The following DGKI variants were observed in gnomAD, a reference collection of about 807,000 sequenced individuals.
The protein encoded by DGKI is diacylglycerol kinase iota.
Under a neutral mutation model 147.5 loss-of-function variants are expected in DGKI, and 55 were observed. The observed-to-expected ratio is 0.37, with a 90% confidence interval of 0.30 to 0.47. DGKI has a LOEUF of 0.47. Ranked by LOEUF, DGKI falls within the 20% of genes least tolerant of loss-of-function variation. The pLI is 1.00. For missense variants in DGKI, 1,007 were observed against 1,323.8 expected, an observed-to-expected ratio of 0.76 and a Z score of 3.71; for synonymous variants, 469 against 477.1, an observed-to-expected ratio of 0.98 and a Z score of 0.22.
chr7:137,677,857 T>C (rs1215585087), intron 3 of DGKI, among the ~76,000 whole-genome samples: 1 of 152,230 alleles, frequency 6.6e-6, no homozygotes, highest in African/African-American at 2.4e-5. Context: ...CATTTAAAAC[T>C]ACACACAAAC....
chr7:137,450,767 T>C (rs1813921557), intron 27 of DGKI, among the ~76,000 whole-genome samples: 1 of 151,150 alleles, frequency 6.6e-6, no homozygotes, highest in African/African-American at 2.4e-5. Context: ...ATATTTTTAA[T>C]TATATACATA....
chr7:137,591,533 G>C (rs935307261), intron 12 of DGKI, among the ~76,000 whole-genome samples: 1 of 152,124 alleles, frequency 6.6e-6, no homozygotes, highest in Non-Finnish European at 1.5e-5. Flanking sequence ...AGCATTCCCG[G>C]AAGACAGCAC....
chr7:137,778,763 C>T (rs1796437866), intron 1 of DGKI, among the ~76,000 whole-genome samples: 1 of 152,126 alleles, frequency 6.6e-6, no homozygotes, highest in African/African-American at 2.4e-5. Flanking sequence ...TGCAGAAAGC[C>T]TCAGTTTCCT....
intron 19 of DGKI, among the ~76,000 whole-genome samples, chr7:137,570,864 C>T (rs1585242193): frequency 6.6e-6 from 1 of 152,168 alleles, no homozygotes; most frequent in South Asian, 2.1e-4. Flanking sequence ...GCTGGGATTA[C>T]AGGCATGAGC....
chr7:137,553,800 G>A (rs1057500740), intron 19 of DGKI, among the ~76,000 whole-genome samples: 9 of 152,138 alleles, frequency 5.9e-5, no homozygotes, highest in Non-Finnish European at 1.3e-4. Flanking sequence ...AGAAAGCAGA[G>A]GAGAATGATG....
chr7:137,598,645 A>G (rs1315326138), intron 11 of DGKI, among the ~76,000 whole-genome samples: 1 of 152,196 alleles, frequency 6.6e-6, no homozygotes, highest in Non-Finnish European at 1.5e-5. Context: ...AAGTTGCTAG[A>G]GGCTGTAATC....
At chr7:137,521,790 A>AC in intron 21 of DGKI, 76 bp downstream of exon 21, 1 of 1,014,458 alleles carries the variant, frequency 9.9e-7, no homozygotes, top group Non-Finnish European at 1.5e-6. Context: ...AAATGAATCT[A>AC]CCCATCAAAC....
intron 3 of DGKI, among the ~76,000 whole-genome samples, chr7:137,666,962 T>C (rs1822661870): frequency 1.3e-5 from 2 of 152,178 alleles, no homozygotes; most frequent in African/African-American, 2.4e-5. Context: ...TCTTTTCTCT[T>C]ATTTCTTTTT....
At chr7:137,734,765 A>G (rs373471351) in intron 1 of DGKI, among the ~76,000 whole-genome samples, 82 of 152,206 alleles carry the variant, frequency 5.4e-4, no homozygotes, top group African/African-American at 1.8e-3. Flanking sequence ...CTTTAGGGCA[A>G]TTTCCAATGC....
chr7:137,732,759 T>C (rs988886299), intron 1 of DGKI, among the ~76,000 whole-genome samples: 1 of 151,992 alleles, frequency 6.6e-6, no homozygotes, highest in Non-Finnish European at 1.5e-5. Flanking sequence ...TGTATTGTTG[T>C]TCACTTATTT....
At chr7:137,720,495 T>C (rs1434884881) in intron 1 of DGKI, among the ~76,000 whole-genome samples, 2 of 152,074 alleles carry the variant, frequency 1.3e-5, no homozygotes, top group Non-Finnish European at 2.9e-5. Flanking sequence ...CCTGACCTTG[T>C]GATCTGCCCG....
intron 8 of DGKI, among the ~76,000 whole-genome samples, chr7:137,614,878 A>G (rs1344427174): frequency 3.9e-5 from 6 of 152,144 alleles, no homozygotes; most frequent in Admixed American, 3.9e-4. Context: ...TCCCAAATAA[A>G]GCTGACTTTA....
chr7:137,425,036 G>C (rs1481646325), intron 28 of DGKI, among the ~76,000 whole-genome samples: 3 of 30 alleles, frequency 0.1, no homozygotes, highest in Admixed American at 0.3. Flanking sequence ...GAAGAGAGCA[G>C]TGGTTCTCCC....
intron 1 of DGKI, among the ~76,000 whole-genome samples, chr7:137,736,734 C>G (rs1404270186): frequency 2.6e-5 from 4 of 152,000 alleles, no homozygotes; most frequent in Admixed American, 6.6e-5. Flanking sequence ...ATAATTTAAT[C>G]AGAAACCCCT....
At chr7:137,656,041 C>T (rs187637013) in intron 4 of DGKI, among the ~76,000 whole-genome samples, 1 of 152,318 alleles carries the variant, frequency 6.6e-6, no homozygotes, top group East Asian at 1.9e-4. Context: ...GTGGCTCGCT[C>T]CCTTGCAGGC....
At chr7:137,467,006 C>T in intron 24 of DGKI, 64 bp from the exon 25 acceptor site, 2 of 1,517,406 alleles carry the variant, frequency 1.3e-6, no homozygotes, top group African/African-American at 1.4e-5. Context: ...AATTTATAAC[C>T]TTCTCTTCGA....
intron 1 of DGKI, among the ~76,000 whole-genome samples, chr7:137,715,223 C>T (rs1430527104): frequency 1.3e-5 from 2 of 152,202 alleles, no homozygotes; most frequent in Non-Finnish European, 2.9e-5. Context: ...AAACCTCCCT[C>T]GGTGATTCAA....
At chr7:137,706,725 A>C (rs1269425136) in intron 1 of DGKI, among the ~76,000 whole-genome samples, 1 of 151,896 alleles carries the variant, frequency 6.6e-6, no homozygotes, top group Non-Finnish European at 1.5e-5. Context: ...GGCGCATGCC[A>C]CCATACCTGG....
chr7:137,815,139 G>T (rs1260207805), intron 1 of DGKI, among the ~76,000 whole-genome samples: 1 of 151,780 alleles, frequency 6.6e-6, no homozygotes, highest in Admixed American at 6.6e-5. Flanking sequence ...ACTTTTCTTG[G>T]ATATTTCTAG....
Sources: gnomAD v4.1 joint callset for allele counts (sites outside exome capture counted in the v4.1 genomes callset) on GRCh38, gnomAD v4.1.1 for gene constraint, MANE v1.5 for transcripts, NCBI Gene and HGNC (gene_info 2026-07-23, HGNC 2026-07-21) for gene names.